Variants in FAHD2A observed in about 807,000 individuals in gnomAD.
FAHD2A encodes the protein oxaloacetate tautomerase FAHD2A, mitochondrial.
FAHD2A carries 27 observed loss-of-function variants against 33.4 expected under a neutral mutation model. The observed-to-expected ratio is 0.81, with a 90% CI of 0.60 to 1.11. The LOEUF (loss-of-function observed/expected upper bound fraction) is 1.11. Among genes scored for constraint, FAHD2A ranks in the 50% most tolerant of loss-of-function variants. The pLI, the probability that FAHD2A is intolerant of heterozygous loss-of-function variation, is 0.00. For synonymous variants in FAHD2A, 130 were observed against 153.3 expected, an observed-to-expected ratio of 0.85 and a Z score of 1.12; for missense variants, 296 against 395.0, an observed-to-expected ratio of 0.75 and a Z score of 2.12.
At chr2:95,410,837 G>C in intron 4 of FAHD2A, 27 bp from the exon 5 acceptor site, 1 of 1,613,164 alleles carries the variant, frequency 6.2e-7, no homozygotes, top group South Asian at 1.1e-5. Context: ...CTAACCTCCT[G>C]TATGGCCAAA....
intron 1 of FAHD2A, among the ~76,000 whole-genome samples, chr2:95,403,171 C>CTGCA (rs1354228822): frequency 1.3e-5 from 2 of 152,208 alleles, no homozygotes; most frequent in African/African-American, 4.8e-5. Flanking sequence ...CTTATGGACT[C>CTGCA]TTGCAGAGTT....
Position 95,413,275 on chromosome 2 carries a change from C to T in FAHD2A, c.*318C>T, listed in dbSNP as rs1032645102. 2.0e-5 allele frequency: 27 copies of T among 1,351,638 alleles called. No homozygotes were observed. Among genetic ancestry groups the T allele is most frequent in the East Asian group, 7.6e-5 (3 of 39,422 alleles). 83.7% of individuals were successfully genotyped at this position (1,351,638 alleles called of 1,614,324 possible). On this transcript the variant is annotated 3_prime_UTR_variant, in exon 8 of 8. Transcript: ENST00000233379. ...GGGCTGGGGAAAAGACAATTCGTGT[C>T]GTCCCCTTGTTTATCACATCAAAGA...
rs1168172114 is a variant in FAHD2A, at chr2:95,409,839, G to A, written c.463-688G>A. Among the ~76,000 whole-genome samples the A allele has an allele frequency of 2.0e-5, 3 of 152,142 alleles. No individual in the cohort carries two copies. The East Asian group carries it at 5.8e-4, about 29-fold the overall frequency. ...CACTTTTAGTATATCCTAGCTTTCTGGCCAAGATGTTCTAGGCTTATCATG... is the reference window on the plus strand; with the variant it reads ...CACTTTTAGTATATCCTAGCTTTCTAGCCAAGATGTTCTAGGCTTATCATG... On this transcript the variant is annotated intron_variant, in intron 3 of 7. Coordinates refer to ENST00000233379, the MANE Select transcript of FAHD2A (RefSeq NM_016044.3).
downstream of FAHD2A, among the ~76,000 whole-genome samples, chr2:95,417,976 A>G (rs761773799): frequency 1.1e-4 from 16 of 152,052 alleles, no homozygotes; most frequent in Non-Finnish European, 2.2e-4. Flanking sequence ...CTGCATATGT[A>G]TGCTTGTTCT....
At chr2:95,407,968 G>C (rs961457788) in intron 3 of FAHD2A, among the ~76,000 whole-genome samples, 3 of 147,992 alleles carry the variant, frequency 2.0e-5, no homozygotes, top group Non-Finnish European at 4.5e-5. Flanking sequence ...TGGTTTCATT[G>C]TAAACATTTG....
rs1683077222 is a variant in FAHD2A, at chr2:95,415,604, ACT to A, written c.*2651_*2652del. ...TTCTGCCTGTCAGGCAGGCGGCAAC[ACT>A]CTCCATGTATCACTCGCCAGCCGTG... On this transcript the variant is annotated 3_prime_UTR_variant, in exon 8 of 8. Coordinates refer to ENST00000233379, the MANE Select transcript of FAHD2A (RefSeq NM_016044.3). 1.3e-5 allele frequency: 2 copies of A among 152,158 alleles called. No individual in the cohort carries two copies. Among genetic ancestry groups the A allele is most frequent in the Admixed American group, 6.6e-5 (1 of 15,244 alleles). The allele number at this position is 152,158 out of a possible 1,614,324, so 9.4% of individuals were successfully genotyped here. A position where few individuals can be genotyped will look rare whatever the true frequency, so the allele number is the denominator to read the frequency against.
intron 3 of FAHD2A, among the ~76,000 whole-genome samples, 178 bp from the exon 4 acceptor site, chr2:95,410,349 T>C (rs1682266880): frequency 6.6e-6 from 1 of 152,220 alleles, no homozygotes; most frequent in Non-Finnish European, 1.5e-5. Flanking sequence ...TGTATGGGTC[T>C]ACAAGTCACA....
intron 2 of FAHD2A, 36 bp from the exon 3 acceptor site, chr2:95,406,905 C>T: frequency 6.4e-7 from 1 of 1,568,610 alleles, no homozygotes. Context: ...CCACCTGTTC[C>T]CAGCCAGACC....
At chr2:95,416,870 C>T (rs1367080000), downstream of FAHD2A, among the ~76,000 whole-genome samples, 1 of 152,234 alleles carries the variant, frequency 6.6e-6, no homozygotes, top group East Asian at 1.9e-4. Flanking sequence ...TTCTTTCCCT[C>T]GTCTCTCTGC....
intron 3 of FAHD2A, among the ~76,000 whole-genome samples, chr2:95,409,037 G>T (rs1356793981): frequency 6.6e-6 from 1 of 151,408 alleles, no homozygotes. Context: ...TAGTGTCAGG[G>T]TAAGCATTTT....
At chr2:95,417,104 C>T (rs1180557401), downstream of FAHD2A, among the ~76,000 whole-genome samples, 1 of 152,166 alleles carries the variant, frequency 6.6e-6, no homozygotes, top group Non-Finnish European at 1.5e-5. Context: ...GCAATCTTTT[C>T]TAAAAAGAAA....
chr2:95,412,364 G>T (rs1682670589), intron 5 of FAHD2A, 70 bp from the exon 6 acceptor site: 1 of 1,590,426 alleles, frequency 6.3e-7, no homozygotes, highest in Non-Finnish European at 8.6e-7. Context: ...CCCTACAGTT[G>T]TGTTTGTAAA....
downstream of FAHD2A, among the ~76,000 whole-genome samples, chr2:95,419,067 G>C (rs1277348750): frequency 6.6e-6 from 1 of 151,990 alleles, no homozygotes; most frequent in Admixed American, 6.6e-5. Flanking sequence ...CCAAAAGCTG[G>C]AATAGACAAA....
At chr2:95,404,450 C>T (rs1464698897) in intron 1 of FAHD2A, among the ~76,000 whole-genome samples, 1 of 152,126 alleles carries the variant, frequency 6.6e-6, no homozygotes, top group Non-Finnish European at 1.5e-5. Flanking sequence ...GCTGCCACCA[C>T]ACTCGGCGAG....
In FAHD2A at chr2:95,413,976, G is replaced by A; in HGVS notation, c.*1019G>A. The stretch of plus-strand genomic sequence containing the variant: ...TCCTCTCACCCCTAGGTCTCTGAAG[G>A]TCCAGATAGCACTGATGGCAAGCTT... On this transcript the variant is annotated 3_prime_UTR_variant, in exon 8 of 8. Transcript: ENST00000233379. 1.2e-5 allele frequency: 17 copies of A among 1,396,850 alleles called. No homozygotes were observed. The South Asian group carries it at 2.0e-4, about 16-fold the overall frequency. The allele number at this position is 1,396,850 out of a possible 1,614,324, so 86.5% of individuals were successfully genotyped here.
downstream of FAHD2A, among the ~76,000 whole-genome samples, chr2:95,418,469 C>G (rs1295481652): frequency 6.6e-6 from 1 of 151,768 alleles, no homozygotes; most frequent in African/African-American, 2.4e-5. Context: ...GTGACCAAGG[C>G]CCCAACATTA....
At chr2:95,408,679 A>G (rs990195269) in intron 3 of FAHD2A, among the ~76,000 whole-genome samples, 2 of 152,172 alleles carry the variant, frequency 1.3e-5, no homozygotes, top group African/African-American at 4.8e-5. Flanking sequence ...TGATTCAGTC[A>G]TCTCCCACCG....
chr2:95,416,745 C>T (rs900302236), downstream of FAHD2A: 2 of 152,220 alleles, frequency 1.3e-5, no homozygotes, highest in Admixed American at 6.5e-5. Context: ...CGGATCCTTA[C>T]AAGGTCCAAG....
At position 95,410,881 on chromosome 2, in the gene FAHD2A, C is replaced by T. The variant is rs1332118160; in HGVS notation, c.540C>T (p.Ala180=). 3.1e-6 allele frequency: 5 copies of T among 1,613,928 alleles called. No homozygotes were observed. The highest frequency in any genetic ancestry group is 4.2e-6 in the Non-Finnish European group (5 of 1,179,844). The change falls in exon 5 of 8, where the codon GCC becomes GCT. Residue 180 remains alanine (A), a synonymous_variant. Coordinates refer to ENST00000233379, the MANE Select transcript of FAHD2A (RefSeq NM_016044.3). ...CCCCATAGGCCACAGATGCTATGGC[C>T]CACGTGGCCGGCTTCACTGTGGCTC... ...GKHIKATDAM[A]HVAGFTVAHD... is the part of the protein sequence containing the mutation.
Sources: gnomAD v4.1 joint callset for allele counts (sites outside exome capture counted in the v4.1 genomes callset) on GRCh38, gnomAD v4.1.1 for gene constraint, MANE v1.5 for transcripts, NCBI Gene and HGNC (gene_info 2026-07-23, HGNC 2026-07-21) for gene names.